The following SEC23B variants were observed in gnomAD, a reference collection of about 807,000 sequenced individuals.
SEC23B encodes the protein protein transport protein Sec23B.
A neutral mutation model predicts 104.3 loss-of-function variants in SEC23B; 77 were observed. That is an observed-to-expected ratio of 0.74 (90% CI 0.61 to 0.89). The LOEUF (loss-of-function observed/expected upper bound fraction) is 0.89. Ranked by LOEUF, SEC23B falls within the 40% of genes least tolerant of loss-of-function variation. The pLI, the probability that SEC23B is intolerant of heterozygous loss-of-function variation, is 0.00. For missense variants in SEC23B, 885 were observed against 949.4 expected (o/e 0.93, Z 0.89); for synonymous variants, 338 against 332.5 (o/e 1.02, Z -0.18).
intron 19 of SEC23B, 40 bp from the exon 20 acceptor site, chr20:18,560,611 C>G: frequency 6.6e-7 from 1 of 1,508,676 alleles, no homozygotes; most frequent in African/African-American, 1.4e-5. Context: ...TAATCAGCTT[C>G]TAAGATATCT....
chr20:18,525,033 C>T lies in SEC23B; in HGVS notation c.689+13C>T, dbSNP rs762211777. The T allele has an allele frequency of 1.7e-5, 28 of 1,611,702 alleles. No individual in the cohort carries two copies. The highest frequency in any genetic ancestry group is 2.3e-5 in the Non-Finnish European group (27 of 1,178,064). On this transcript the variant is annotated intron_variant, in intron 6 of 19. Transcript: ENST00000650089. ...TTGCTTCAAGCAGGTGAGAGCCCAA[C>T]ATGGAGTGTTACACGTATTGTGATG...
In SEC23B at chr20:18,546,015, CT is replaced by C; in HGVS notation, c.1729del (p.Ser577LeufsTer10). The C allele has an allele frequency of 1.3e-6, 2 of 1,562,432 alleles. No homozygotes were observed. The highest frequency in any genetic ancestry group is 1.8e-6 in the Non-Finnish European group (2 of 1,133,032). On this transcript the variant is annotated frameshift_variant, in exon 15 of 20. Transcript: ENST00000650089. LOFTEE classifies it high-confidence loss of function. ...CCACTTCTTTTAGGTTATCAGATTC[CT>C]TTTCTCTATATCCTCAGGTAAGTAA... ...DPTSFRLSDS[F>X]SLYPQFMFHL...
rs1464002103 is a variant in SEC23B, at chr20:18,554,403, A to C, written c.2148+13A>C. 6.2e-7 allele frequency: 1 copy of C among 1,613,952 alleles called. No homozygotes were observed. The highest frequency in any genetic ancestry group is 1.3e-5 in the African/African-American group (1 of 74,924). On this transcript the variant is annotated intron_variant, in intron 18 of 19. Coordinates refer to ENST00000650089, the MANE Select transcript of SEC23B (RefSeq NM_006363.6). The stretch of plus-strand genomic sequence containing the variant: ...TGGAGGCAGTCAGGTGAGTGAGCTG[A>C]GTTCTAACTCCAGTGGTTTGTTCGT...
rs1394525451 is a variant in SEC23B at position 18,524,491 on chromosome 20, A to ATGACCT, written c.427_432dup (p.Asp143_Leu144dup). On this transcript the variant is annotated inframe_insertion, in exon 5 of 20. Coordinates refer to ENST00000650089, the MANE Select transcript of SEC23B (RefSeq NM_006363.6). ...GTGGTTGACACATGCCTGGAGGAAG[A>ATGACCT]TGACCTTCAAGCACTCAAAGAGTCC... 1 of 1,614,210 alleles carries ATGACCT rather than the reference A, an allele frequency of 6.2e-7. No individual in the cohort carries two copies. The highest frequency in any genetic ancestry group is 1.7e-5 in the Admixed American group (1 of 60,024).
chr20:18,508,219 C>A (rs1040547541), intron 1 of SEC23B: 12 of 152,184 alleles, frequency 7.9e-5, no homozygotes, highest in Non-Finnish European at 1.6e-4. Context: ...GGACCCAAGT[C>A]CCGTTTTATA....
chr20:18,527,371 C>G (rs1238559843), intron 8 of SEC23B, 125 bp from the exon 9 acceptor site: 3 of 743,458 alleles, frequency 4.0e-6, no homozygotes, highest in Middle Eastern at 3.3e-4. Context: ...GAGAGAGACT[C>G]TGTCACAAAA....
intron 12 of SEC23B, among the ~76,000 whole-genome samples, chr20:18,536,057 A>C (rs1470966074): frequency 2.0e-5 from 3 of 152,170 alleles, no homozygotes; most frequent in African/African-American, 7.2e-5. Context: ...ATTATGAAAA[A>C]TTCCAAACAT....
At chr20:18,525,361 A>G (rs911114) in intron 6 of SEC23B, among the ~76,000 whole-genome samples, 19,046 of 152,182 alleles carry the variant, frequency 0.13, 1,297 homozygotes, top group Admixed American at 0.18. Flanking sequence ...AGCTCGATAA[A>G]ATGCATTGCC....
intron 10 of SEC23B, among the ~76,000 whole-genome samples, chr20:18,531,629 T>TG (rs2060188200): frequency 7.3e-6 from 1 of 136,362 alleles, no homozygotes; most frequent in South Asian, 2.3e-4. Flanking sequence ...GCACTCCAGC[T>TG]GTGGCAACGA....
chr20:18,533,652 A>G (rs1600252333), intron 11 of SEC23B, among the ~76,000 whole-genome samples: 1 of 152,326 alleles, frequency 6.6e-6, no homozygotes, highest in East Asian at 1.9e-4. Context: ...GTCAGCAACA[A>G]ACGTTCTTGG....
At chr20:18,527,846 C>G (rs891821857) in intron 9 of SEC23B, among the ~76,000 whole-genome samples, 1 of 152,134 alleles carries the variant, frequency 6.6e-6, no homozygotes, top group Non-Finnish European at 1.5e-5. Flanking sequence ...CTTATTTCTT[C>G]CTTAGAGTTG....
chr20:18,537,670 G>T (rs1035332556), intron 12 of SEC23B, among the ~76,000 whole-genome samples: 3 of 151,886 alleles, frequency 2.0e-5, no homozygotes, highest in African/African-American at 7.3e-5. Flanking sequence ...ACACCAGCAT[G>T]GCACATGTAT....
chr20:18,551,341 T>G (rs1044548740), intron 17 of SEC23B, among the ~76,000 whole-genome samples, 166 bp downstream of exon 17: 1 of 152,216 alleles, frequency 6.6e-6, no homozygotes, highest in African/African-American at 2.4e-5. Context: ...AACCACAGTT[T>G]GGGCTTAGAA....
chr20:18,560,776 A>G lies in SEC23B; in HGVS notation c.*36A>G, dbSNP rs2060486050. On this transcript the variant is annotated 3_prime_UTR_variant, in exon 20 of 20. Coordinates refer to ENST00000650089, the MANE Select transcript of SEC23B (RefSeq NM_006363.6). ...CAACCAGGAAATGCAACGGTGTCAG[A>G]TTGTGTTCAAAATGTCTAGAAAGGC... The G allele has an allele frequency of 2.0e-6, 3 of 1,484,946 alleles. No homozygotes were observed. Among genetic ancestry groups the G allele is most frequent in the South Asian group, 1.1e-5 (1 of 88,498 alleles). The allele number at this position is 1,484,946 out of a possible 1,614,324, so 92.0% of individuals were successfully genotyped here. A position where few individuals can be genotyped will look rare whatever the true frequency, so the allele number is the denominator to read the frequency against.
chr20:18,550,669 T>A (rs2060379066), intron 16 of SEC23B, among the ~76,000 whole-genome samples: 1 of 151,870 alleles, frequency 6.6e-6, no homozygotes, highest in Admixed American at 6.6e-5. Context: ...TTACAAAAAA[T>A]AAAAAATTAG....
At chr20:18,541,561 G>T (rs1311284018) in intron 12 of SEC23B, among the ~76,000 whole-genome samples, 1 of 152,182 alleles carries the variant, frequency 6.6e-6, no homozygotes, top group Non-Finnish European at 1.5e-5. Flanking sequence ...CAATATTGTT[G>T]TATCTCAGGA....
intron 13 of SEC23B, among the ~76,000 whole-genome samples, chr20:18,542,629 G>T (rs1313643836): frequency 1.3e-5 from 2 of 152,138 alleles, no homozygotes; most frequent in African/African-American, 4.8e-5. Context: ...TTCATTAAAA[G>T]TATTAATTAT....
Position 18,514,504 on chromosome 20 carries a change from C to T in SEC23B, c.280-1146C>T, listed in dbSNP as rs375141959. Among the ~76,000 whole-genome samples, 6 of 152,300 alleles carry T rather than the reference C, an allele frequency of 3.9e-5. No homozygotes were observed. The East Asian group carries it at 1.2e-3, about 29-fold the overall frequency. The stretch of plus-strand genomic sequence containing the variant: ...CCCCTAAAGCTGCCTGTCAGCTCCT[C>T]AGCAGCACTTGCATTTGGTCACTCT... On this transcript the variant is annotated intron_variant, in intron 3 of 19. Coordinates refer to ENST00000650089, the MANE Select transcript of SEC23B (RefSeq NM_006363.6).
chr20:18,551,468 C>T (rs2060386217), intron 17 of SEC23B, among the ~76,000 whole-genome samples: 1 of 152,146 alleles, frequency 6.6e-6, no homozygotes, highest in African/African-American at 2.4e-5. Flanking sequence ...AATCCCAGCA[C>T]TTTGGGATGC....
Sources: allele counts gnomAD v4.1 joint callset (sites outside exome capture counted in the v4.1 genomes callset), GRCh38; gene constraint gnomAD v4.1.1; transcripts MANE v1.5; gene names NCBI Gene and HGNC (gene_info 2026-07-23, HGNC 2026-07-21).